PIK3C2A: variants seen among roughly 807,000 people sequenced by gnomAD.
PIK3C2A encodes phosphatidylinositol 4-phosphate 3-kinase C2 domain-containing subunit alpha.
A neutral mutation model predicts 204.5 loss-of-function variants in PIK3C2A; 97 were observed. The ratio of observed to expected loss-of-function variants is 0.47; its 90% CI spans 0.40 to 0.56. PIK3C2A has a LOEUF of 0.56. Ranked by LOEUF, PIK3C2A falls within the 20% of genes least tolerant of loss-of-function variation. The probability of loss-of-function intolerance (pLI) is 0.00; values close to 1 mark genes in which losing one functional copy is unlikely to be tolerated. For synonymous variants in PIK3C2A, 653 were observed against 664.4 expected, an observed-to-expected ratio of 0.98 and a Z score of 0.26; for missense variants, 1,735 against 1,969.2, an observed-to-expected ratio of 0.88 and a Z score of 2.25.
chr11:17,195,765 C>T (rs11024188), intron 1 of PIK3C2A, among the ~76,000 whole-genome samples: 35,489 of 143,640 alleles, frequency 0.25, 5,502 homozygotes, highest in Middle Eastern at 0.39. Flanking sequence ...AGGAGCCCCG[C>T]GCGCTGGCTC....
rs200966778 is a variant in PIK3C2A, at chr11:17,091,997, T to G, written c.4641A>C (p.Ala1547=). 1.9e-6 allele frequency: 3 copies of G among 1,596,108 alleles called. No homozygotes were observed. The East Asian group carries it at 6.7e-5, about 36-fold the overall frequency. The change falls in exon 30 of 33, where the codon GCA becomes GCC. Residue 1547 remains alanine, a splice_region_variant and synonymous_variant. Transcript: ENST00000691414. The part of the protein sequence containing the change: ...DEKAEGIARS[A]DAGSFSPTPG... ...TAAAGAGAAAAAAAATAATCTCACC[T>G]GCAGACCTAGCTATCCCTTCAGCTT...
At chr11:17,188,385 C>T (rs1370469399) in intron 1 of PIK3C2A, among the ~76,000 whole-genome samples, 1 of 146,532 alleles carries the variant, frequency 6.8e-6, no homozygotes, top group African/African-American at 2.8e-5. Flanking sequence ...AACACACAAA[C>T]ACCTAATGAA....
At chr11:17,172,370 G>A (rs568387215) in intron 1 of PIK3C2A, among the ~76,000 whole-genome samples, 66 of 152,190 alleles carry the variant, frequency 4.3e-4, no homozygotes, top group African/African-American at 1.5e-3. Flanking sequence ...GGATGAGAGG[G>A]GCCAGCTAAC....
intron 4 of PIK3C2A, among the ~76,000 whole-genome samples, chr11:17,149,372 G>A (rs948474158): frequency 6.6e-6 from 1 of 151,744 alleles, no homozygotes; most frequent in African/African-American, 2.4e-5. Flanking sequence ...AATAAATAAG[G>A]TATACAGGAG....
At chr11:17,160,483 G>A (rs553577333) in intron 2 of PIK3C2A, among the ~76,000 whole-genome samples, 1 of 152,290 alleles carries the variant, frequency 6.6e-6, no homozygotes, top group East Asian at 1.9e-4. Context: ...GGGAATAACA[G>A]AAGGAGAGCA....
chr11:17,175,560 T>G (rs1315812338), intron 1 of PIK3C2A, among the ~76,000 whole-genome samples: 1 of 152,198 alleles, frequency 6.6e-6, no homozygotes, highest in Non-Finnish European at 1.5e-5. Flanking sequence ...AATGCTAATG[T>G]TCCCCTAATT....
intron 4 of PIK3C2A, 76 bp from the exon 5 acceptor site, chr11:17,148,863 C>T: frequency 2.5e-6 from 3 of 1,179,862 alleles, no homozygotes; most frequent in Non-Finnish European, 3.6e-6. Flanking sequence ...TAATTTAAGA[C>T]AGCAGTATAC....
chr11:17,125,608 G>A (rs902450166), intron 13 of PIK3C2A, among the ~76,000 whole-genome samples: 9 of 151,796 alleles, frequency 5.9e-5, no homozygotes, highest in Non-Finnish European at 1.2e-4. Context: ...TCCACCTCCC[G>A]GGTTCAAGCA....
chr11:17,131,824 A>G, intron 12 of PIK3C2A, 92 bp downstream of exon 12: 1 of 969,958 alleles, frequency 1.0e-6, no homozygotes, highest in East Asian at 2.5e-5. Context: ...TTCAATGAAA[A>G]TTGCAATAAA....
chr11:17,132,927 G>A (rs1186370847), intron 11 of PIK3C2A, among the ~76,000 whole-genome samples: 4 of 152,182 alleles, frequency 2.6e-5, no homozygotes, highest in South Asian at 2.1e-4. Context: ...GTTGGATACA[G>A]TCAGGTAATC....
At chr11:17,107,603 A>G (rs1356237990) in intron 22 of PIK3C2A, among the ~76,000 whole-genome samples, 2 of 152,244 alleles carry the variant, frequency 1.3e-5, no homozygotes, top group Non-Finnish European at 2.9e-5. Context: ...TTACTTTTCA[A>G]TTTATTCTAC....
chr11:17,120,383 T>C (rs1051330722), intron 15 of PIK3C2A, among the ~76,000 whole-genome samples: 2 of 152,072 alleles, frequency 1.3e-5, no homozygotes, highest in Non-Finnish European at 1.5e-5. Flanking sequence ...TTTTGGAACA[T>C]ATTTATACAG....
In PIK3C2A at chr11:17,101,839, G is replaced by A. The variant is rs562954606; in HGVS notation, c.3852-405C>T. On this transcript the variant is annotated intron_variant, in intron 24 of 32. Coordinates refer to ENST00000691414, the MANE Select transcript of PIK3C2A (RefSeq NM_002645.4). ...AGGATGGTCTCGATCTCCTGACCTT[G>A]TGATCCGCCCGCCTTGGCCTCCCAA... Among the ~76,000 whole-genome samples, 52 of 151,990 alleles carry A rather than the reference G, an allele frequency of 3.4e-4. No homozygotes were observed. The Middle Eastern group carries it at 0.014, about 40-fold the overall frequency.
intron 1 of PIK3C2A, among the ~76,000 whole-genome samples, chr11:17,198,616 G>A (rs1282045296): frequency 1.3e-5 from 2 of 152,050 alleles, no homozygotes; most frequent in Non-Finnish European, 2.9e-5. Context: ...GACCATTGTT[G>A]AAACAAGCAT....
At chr11:17,164,204 T>C (rs1167989259) in intron 2 of PIK3C2A, among the ~76,000 whole-genome samples, 1 of 151,956 alleles carries the variant, frequency 6.6e-6, no homozygotes, top group Non-Finnish European at 1.5e-5. Flanking sequence ...CCAAAAAAAT[T>C]AGCTGGGTGT....
chr11:17,144,894 CAAAAAAAAAA>C (rs35069519), intron 8 of PIK3C2A, among the ~76,000 whole-genome samples: 3 of 78,124 alleles, frequency 3.8e-5, no homozygotes, highest in South Asian at 6.9e-4. Flanking sequence ...GACTCAGCCT[CAAAAAAAAAA>C]AAAAAAAAAA....
chr11:17,121,878 T>A (rs1259668827), intron 15 of PIK3C2A, among the ~76,000 whole-genome samples: 1 of 152,024 alleles, frequency 6.6e-6, no homozygotes, highest in Non-Finnish European at 1.5e-5. Context: ...GTATTGTAAA[T>A]ATAGTTTCCA....
At position 17,134,806 on chromosome 11, in the gene PIK3C2A, A is replaced by G; in HGVS notation, c.2108+13T>C. The G allele has an allele frequency of 6.3e-7, 1 of 1,595,878 alleles. No individual in the cohort carries two copies. The highest frequency in any genetic ancestry group is 1.7e-5 in the Admixed American group (1 of 60,008). On this transcript the variant is annotated intron_variant, in intron 11 of 32. Transcript: ENST00000691414. Reference sequence around the variant, plus strand: ...GCAAGCCACCATGCCTGGCTGCTTAAACAGTTACTTACTTTGATACCCAAT... The same window carrying G: ...GCAAGCCACCATGCCTGGCTGCTTAGACAGTTACTTACTTTGATACCCAAT...
In PIK3C2A at chr11:17,088,538, G is replaced by A. The variant is rs1433548201; in HGVS notation, c.*1200C>T. On this transcript the variant is annotated 3_prime_UTR_variant, in exon 33 of 33. Coordinates refer to ENST00000691414, the MANE Select transcript of PIK3C2A (RefSeq NM_002645.4). ...ATTACAGGCAGGAGCCACCGTGCCC[G>A]GCCGAATCTTATTCTTACTGGTTAC... The A allele has an allele frequency of 6.6e-6, 1 of 152,190 alleles. No homozygotes were observed. The highest frequency in any genetic ancestry group is 1.9e-4 in the East Asian group (1 of 5,192). The allele number at this position is 152,190 out of a possible 1,614,324, so 9.4% of individuals were successfully genotyped here.
Sources: allele counts gnomAD v4.1 joint callset (sites outside exome capture counted in the v4.1 genomes callset), GRCh38; gene constraint gnomAD v4.1.1; transcripts MANE v1.5; gene names NCBI Gene and HGNC (gene_info 2026-07-23, HGNC 2026-07-21).